Variants in LY96 observed in about 807,000 individuals in gnomAD.
LY96 encodes the protein myeloid differentiation protein-2.
A neutral mutation model predicts 18.9 loss-of-function variants in LY96; 18 were observed. The ratio of observed to expected loss-of-function variants is 0.95; its 90% CI spans 0.66 to 1.41. The LOEUF is 1.41. Among genes scored for constraint, LY96 ranks in the 40% most tolerant of loss-of-function variants. The pLI is 0.00. For missense variants in LY96, 175 were observed against 182.4 expected, an observed-to-expected ratio of 0.96 and a Z score of 0.23; for synonymous variants, 66 against 62.6, an observed-to-expected ratio of 1.06 and a Z score of -0.26.
chr8:74,073,513 A>AT, the LY96 span, among the ~76,000 whole-genome samples: 5 of 151,810 alleles, frequency 3.3e-5, no homozygotes, highest in South Asian at 2.1e-4. Context: ...ATGGGACTGC[A>AT]TTTTTTTTCA....
chr8:74,065,646 C>T, the LY96 span, among the ~76,000 whole-genome samples: 1 of 152,166 alleles, frequency 6.6e-6, no homozygotes, highest in Admixed American at 6.6e-5. Context: ...TTCTCCATGC[C>T]TTGGTTTCCT....
At chr8:74,070,380 C>T in the LY96 span, among the ~76,000 whole-genome samples, 23 of 152,132 alleles carry the variant, frequency 1.5e-4, no homozygotes, top group African/African-American at 4.1e-4. Context: ...CGTGAGCCAC[C>T]GCGCCCGGCC....
At chr8:73,999,188 T>A (rs1816213481) in intron 1 of LY96, among the ~76,000 whole-genome samples, 1 of 152,140 alleles carries the variant, frequency 6.6e-6, no homozygotes, top group South Asian at 2.1e-4. Flanking sequence ...CAGGCTGATC[T>A]CAAACTCCTG....
At chr8:73,993,846 T>A (rs1816064274) in intron 1 of LY96, among the ~76,000 whole-genome samples, 1 of 152,232 alleles carries the variant, frequency 6.6e-6, no homozygotes, top group Non-Finnish European at 1.5e-5. Flanking sequence ...CCCAAAGTGC[T>A]GGGATTACAG....
At chr8:74,087,426 A>T in the LY96 span, among the ~76,000 whole-genome samples, 2 of 152,198 alleles carry the variant, frequency 1.3e-5, no homozygotes, top group Non-Finnish European at 2.9e-5. Context: ...ATTTTATTAC[A>T]ACCTACTAAT....
At chr8:74,021,412 C>A (rs1438823430) in intron 3 of LY96, among the ~76,000 whole-genome samples, 1 of 152,186 alleles carries the variant, frequency 6.6e-6, no homozygotes, top group Non-Finnish European at 1.5e-5. Flanking sequence ...GTTAAAAAGT[C>A]AAGAAACAAT....
intron 1 of LY96, among the ~76,000 whole-genome samples, chr8:74,001,459 C>A (rs932334903): frequency 6.6e-6 from 1 of 152,018 alleles, no homozygotes; most frequent in African/African-American, 2.4e-5. Context: ...GAACTCCTGA[C>A]CTCAAACCAT....
intron 2 of LY96, 136 bp downstream of exon 2, chr8:74,005,021 C>A: frequency 1.1e-6 from 1 of 890,824 alleles, no homozygotes; most frequent in Non-Finnish European, 1.7e-6. Context: ...TGTGGCTTAA[C>A]ACAGCACACA....
At chr8:74,013,869 C>T (rs895099493) in intron 3 of LY96, among the ~76,000 whole-genome samples, 1 of 152,126 alleles carries the variant, frequency 6.6e-6, no homozygotes, top group East Asian at 1.9e-4. Context: ...GTAACTCATG[C>T]GCAAAATATT....
intron 1 of LY96, among the ~76,000 whole-genome samples, chr8:74,003,084 A>G (rs1816332043): frequency 6.6e-6 from 1 of 152,150 alleles, no homozygotes; most frequent in Non-Finnish European, 1.5e-5. Flanking sequence ...TCTTTGCCTG[A>G]TCTTTCATTT....
At chr8:74,020,783 G>A in intron 3 of LY96, among the ~76,000 whole-genome samples, 1 of 152,172 alleles carries the variant, frequency 6.6e-6, no homozygotes, top group Admixed American at 6.5e-5. Flanking sequence ...ACAATCATTT[G>A]ATCTTTGACA....
At chr8:74,095,844 G>T in the LY96 span, among the ~76,000 whole-genome samples, 3 of 152,084 alleles carry the variant, frequency 2.0e-5, no homozygotes, top group Non-Finnish European at 2.9e-5. Flanking sequence ...ACTCCCACAC[G>T]AGCACCTCCA....
At chr8:74,072,968 G>T in the LY96 span, among the ~76,000 whole-genome samples, 1 of 152,186 alleles carries the variant, frequency 6.6e-6, no homozygotes, top group South Asian at 2.1e-4. Context: ...AGTGGGTTAA[G>T]TGGTCTCTGT....
the LY96 span, among the ~76,000 whole-genome samples, chr8:74,099,156 A>G: frequency 6.6e-6 from 1 of 152,172 alleles, no homozygotes; most frequent in East Asian, 1.9e-4. Context: ...ACTTCCTGAT[A>G]TAACTATTGG....
chr8:73,996,363 TCC>T (rs1189452886), intron 1 of LY96, among the ~76,000 whole-genome samples: 23 of 117,366 alleles, frequency 2.0e-4, no homozygotes, highest in African/African-American at 6.5e-4. Context: ...CTTCCTTCCT[TCC>T]TTCATTCCTT....
the LY96 span, among the ~76,000 whole-genome samples, chr8:74,083,689 A>G: frequency 6.6e-6 from 1 of 151,828 alleles, no homozygotes; most frequent in African/African-American, 2.4e-5. Context: ...TACCACTTAA[A>G]TCTTTTCTTT....
chr8:74,021,899 C>T (rs1341767865), intron 3 of LY96, among the ~76,000 whole-genome samples: 1 of 151,700 alleles, frequency 6.6e-6, no homozygotes, highest in Non-Finnish European at 1.5e-5. Context: ...GGGCAGGGAA[C>T]ATCACACACC....
chr8:74,007,094 G>C (rs1991262), intron 2 of LY96, among the ~76,000 whole-genome samples: 52,234 of 152,178 alleles, frequency 0.34, 11,541 homozygotes, highest in African/African-American at 0.63. Flanking sequence ...ACACTCTTGG[G>C]CTGGGCCAAA....
At chr8:74,009,897 T>C (rs1345827701) in intron 2 of LY96, 104 bp from the exon 3 acceptor site, 6 of 798,056 alleles carry the variant, frequency 7.5e-6, no homozygotes, top group Non-Finnish European at 1.3e-5. Context: ...AATGAAATAA[T>C]GTAAGAAAAG....
Sources: allele counts gnomAD v4.1 joint callset (sites outside exome capture counted in the v4.1 genomes callset), GRCh38; gene constraint gnomAD v4.1.1; transcripts MANE v1.5; gene names NCBI Gene and HGNC (gene_info 2026-07-23, HGNC 2026-07-21).